Variants in CRACD observed in about 807,000 individuals in gnomAD.
The protein encoded by CRACD is capping protein inhibiting regulator of actin dynamics, also known as capping protein-inhibiting regulator of actin dynamics.
Under a neutral mutation model 106.8 loss-of-function variants are expected in CRACD, and 56 were observed. The observed-to-expected ratio is 0.52, with a 90% CI of 0.42 to 0.66. The LOEUF (loss-of-function observed/expected upper bound fraction) is 0.66, where lower values mean the gene tolerates loss of function less well. CRACD is among the 30% of genes least tolerant of loss of function. The pLI, the probability that CRACD is intolerant of heterozygous loss-of-function variation, is 0.00. For missense variants in CRACD, 1,730 were observed against 1,623.2 expected, an observed-to-expected ratio of 1.07 and a Z score of -1.13; for synonymous variants, 754 against 670.8, an observed-to-expected ratio of 1.12 and a Z score of -1.92.
intron 2 of CRACD, among the ~76,000 whole-genome samples, chr4:56,213,096 A>G (rs1179507986): frequency 6.6e-6 from 1 of 152,186 alleles, no homozygotes; most frequent in Non-Finnish European, 1.5e-5. Flanking sequence ...TGTAAGCTCC[A>G]CTTTGGATCT....
At chr4:56,209,851 T>C (rs1738313458) in intron 2 of CRACD, among the ~76,000 whole-genome samples, 1 of 152,178 alleles carries the variant, frequency 6.6e-6, no homozygotes, top group Non-Finnish European at 1.5e-5. Flanking sequence ...TTTCCAGTCC[T>C]CCTGACTCAC....
chr4:56,254,416 T>A (rs1433051072), intron 2 of CRACD, among the ~76,000 whole-genome samples: 2 of 151,260 alleles, frequency 1.3e-5, no homozygotes, highest in African/African-American at 4.9e-5. Context: ...TTTTTTCTGT[T>A]CTCAGGTATC....
At position 56,110,873 on chromosome 4, in the gene CRACD, A is replaced by G. The variant is rs564268442; in HGVS notation, c.-336+61574A>G. On this transcript the variant is annotated intron_variant, in intron 1 of 10. Coordinates refer to ENST00000682029, the MANE Select transcript of CRACD (RefSeq NM_001393381.1). ...TGGCCTCCCAAAGTGCTGGGATTAC[A>G]GGTGTGAGCCGCTGCGTCCAGCCTA... Among the ~76,000 whole-genome samples the G allele has an allele frequency of 3.3e-4, 51 of 152,344 alleles. No individual in the cohort carries two copies. The Middle Eastern group carries it at 0.01, about 30-fold the overall frequency.
At chr4:56,117,320 C>A (rs940432218) in intron 1 of CRACD, among the ~76,000 whole-genome samples, 1 of 151,950 alleles carries the variant, frequency 6.6e-6, no homozygotes, top group African/African-American at 2.4e-5. Flanking sequence ...CGTGCCCGGC[C>A]CGAATTTTTT....
chr4:56,083,173 G>A (rs191922753), intron 1 of CRACD, among the ~76,000 whole-genome samples: 1 of 152,114 alleles, frequency 6.6e-6, no homozygotes, highest in African/African-American at 2.4e-5. Context: ...CAGACCAAAA[G>A]CAAATAGGAC....
At chr4:56,154,242 G>T (rs1426171861) in intron 1 of CRACD, among the ~76,000 whole-genome samples, 1 of 152,140 alleles carries the variant, frequency 6.6e-6, no homozygotes, top group Admixed American at 6.5e-5. Context: ...GAGGCAGGTG[G>T]ATCACTTGAG....
intron 2 of CRACD, among the ~76,000 whole-genome samples, chr4:56,246,988 G>A (rs866427445): frequency 2.0e-5 from 3 of 152,146 alleles, no homozygotes; most frequent in African/African-American, 7.2e-5. Context: ...AAAAAAGTTC[G>A]AGTACATTCA....
chr4:56,177,692 T>G (rs765022065), intron 1 of CRACD, among the ~76,000 whole-genome samples: 2 of 152,202 alleles, frequency 1.3e-5, no homozygotes, highest in Non-Finnish European at 2.9e-5. Flanking sequence ...TTCAATCTTA[T>G]TACTTTTTAT....
At chr4:56,194,702 C>A in intron 2 of CRACD, among the ~76,000 whole-genome samples, 1 of 152,174 alleles carries the variant, frequency 6.6e-6, no homozygotes, top group East Asian at 1.9e-4. Context: ...AAATTGGACC[C>A]TCACCAGACA....
intron 1 of CRACD, among the ~76,000 whole-genome samples, chr4:56,050,508 T>C (rs1449532514): frequency 6.6e-6 from 1 of 152,202 alleles, no homozygotes; most frequent in Non-Finnish European, 1.5e-5. Flanking sequence ...CTCACAGTTC[T>C]TTGGCATTGT....
intron 2 of CRACD, among the ~76,000 whole-genome samples, chr4:56,233,927 C>G (rs1271521608): frequency 2.0e-5 from 3 of 151,776 alleles, no homozygotes; most frequent in Non-Finnish European, 2.9e-5. Flanking sequence ...CAGATTTATC[C>G]CTAAGTATGT....
At chr4:56,104,586 A>T (rs1371851597) in intron 1 of CRACD, among the ~76,000 whole-genome samples, 1 of 152,164 alleles carries the variant, frequency 6.6e-6, no homozygotes, top group African/African-American at 2.4e-5. Flanking sequence ...TTTGCTTACC[A>T]CCTTGGGAAC....
chr4:56,120,131 G>T (rs1283326744), intron 1 of CRACD, among the ~76,000 whole-genome samples: 2 of 152,180 alleles, frequency 1.3e-5, no homozygotes, highest in African/African-American at 4.8e-5. Flanking sequence ...AGTGTTCACT[G>T]GTTACATACT....
rs539671663 is a variant in CRACD, at chr4:56,252,237, A to T, written c.-188-20084A>T. Among the ~76,000 whole-genome samples, 39 of 152,236 alleles carry T rather than the reference A, an allele frequency of 2.6e-4. 2 individuals carry two copies. In the East Asian group the frequency reaches 7.5e-3, roughly 29 times the overall value. On this transcript the variant is annotated intron_variant, in intron 2 of 10. Transcript: ENST00000682029. ...TTACATACCCTCAAGGAAAAACTTCACACACTCTTCCAGTTCACTCCCACT... is the reference window on the plus strand; with the variant it reads ...TTACATACCCTCAAGGAAAAACTTCTCACACTCTTCCAGTTCACTCCCACT...
chr4:56,197,593 T>C (rs1737668762), intron 2 of CRACD, among the ~76,000 whole-genome samples: 2 of 152,164 alleles, frequency 1.3e-5, no homozygotes, highest in African/African-American at 4.8e-5. Context: ...CCAGCATAAT[T>C]TTCTGTGACT....
At chr4:56,118,226 G>A (rs2109850676) in intron 1 of CRACD, among the ~76,000 whole-genome samples, 1 of 148,008 alleles carries the variant, frequency 6.8e-6, no homozygotes, top group Admixed American at 6.8e-5. Flanking sequence ...GGACCTCAGA[G>A]ATCACATGGC....
chr4:56,312,411 C>G (rs555170695), intron 6 of CRACD, among the ~76,000 whole-genome samples: 12 of 152,180 alleles, frequency 7.9e-5, no homozygotes, highest in Non-Finnish European at 1.6e-4. Flanking sequence ...GATCTGCCCG[C>G]TTCAGCCTCC....
chr4:56,240,975 T>A (rs535456784), intron 2 of CRACD, among the ~76,000 whole-genome samples: 63 of 152,256 alleles, frequency 4.1e-4, no homozygotes, highest in African/African-American at 1.4e-3. Context: ...GTCAGCATGA[T>A]GGATGGGCCT....
intron 1 of CRACD, among the ~76,000 whole-genome samples, chr4:56,084,721 A>G (rs1166135304): frequency 2.6e-5 from 4 of 152,154 alleles, no homozygotes; most frequent in Non-Finnish European, 4.4e-5. Context: ...TATCTGCCAC[A>G]AGAGGAGTTT....
Sources: gnomAD v4.1 joint callset for allele counts (sites outside exome capture counted in the v4.1 genomes callset) on GRCh38, gnomAD v4.1.1 for gene constraint, MANE v1.5 for transcripts, NCBI Gene and HGNC (gene_info 2026-07-23, HGNC 2026-07-21) for gene names.